USP43: variants seen among roughly 807,000 people sequenced by gnomAD.
The protein encoded by USP43 is ubiquitin specific peptidase 43.
In USP43, 33 loss-of-function variants were observed where a neutral mutation model predicts 90.7. The observed-to-expected ratio is 0.36, with a 90% CI of 0.28 to 0.49. The LOEUF is 0.49. USP43 is among the 20% of genes least tolerant of loss of function. USP43 has a pLI of 0.98. For synonymous variants in USP43, 598 were observed against 615.8 expected (o/e 0.97, Z 0.43); for missense variants, 1,274 against 1,476.4 (o/e 0.86, Z 2.25).
intron 7 of USP43, among the ~76,000 whole-genome samples, chr17:9,683,725 A>G (rs1877374290): frequency 6.6e-6 from 1 of 152,196 alleles, no homozygotes; most frequent in South Asian, 2.1e-4. Flanking sequence ...GGTATATTTC[A>G]TATTACTACA....
chr17:9,710,184 T>C, intron 13 of USP43, 70 bp downstream of exon 13: 2 of 1,352,084 alleles, frequency 1.5e-6, no homozygotes, highest in South Asian at 4.6e-5. Context: ...AGAGGCTCAG[T>C]TGAACATCGA....
Position 9,686,794 on chromosome 17 carries a change from T to C in USP43, c.1242-4T>C. The C allele has an allele frequency of 6.2e-7, 1 of 1,613,794 alleles. No homozygotes were observed. The highest frequency in any genetic ancestry group is 1.7e-5 in the Admixed American group (1 of 60,004). ...GGGATAACCCGATTTCCTTGGATTT[T>C]CAGGTTTGGGCCACCCTTCCTGATA... is the stretch of plus-strand genomic sequence containing the variant. On this transcript the variant is annotated splice_polypyrimidine_tract_variant and splice_region_variant and intron_variant, in intron 7 of 14. Transcript: ENST00000285199. The surrounding 1 kb of genome is among the most constrained non-coding windows in gnomAD (Gnocchi z 5.5).
At chr17:9,712,153 T>C (rs1215516682) in intron 14 of USP43, 21 bp downstream of exon 14, 1 of 1,533,150 alleles carries the variant, frequency 6.5e-7, no homozygotes, top group East Asian at 2.4e-5. Context: ...TAAATGTGCT[T>C]GGTTGATTTT....
chr17:9,725,490 G>A (rs991992568), intron 14 of USP43, among the ~76,000 whole-genome samples: 5 of 152,174 alleles, frequency 3.3e-5, no homozygotes, highest in South Asian at 2.1e-4. Context: ...GAAGTGTGAT[G>A]TGAGCGTGGG....
At chr17:9,653,626 A>G (rs1391961258) in intron 1 of USP43, among the ~76,000 whole-genome samples, 2 of 151,812 alleles carry the variant, frequency 1.3e-5, no homozygotes, top group African/African-American at 4.8e-5. Flanking sequence ...TCTAGACTGT[A>G]GAAGTAGGAA....
Position 9,728,340 on chromosome 17 carries a change from G to T in USP43, c.2722G>T (p.Gly908Cys), listed in dbSNP as rs781092429. 6.2e-7 allele frequency: 1 copy of T among 1,612,046 alleles called. No individual in the cohort carries two copies. ...NHCLAPGNSD[G>C]PNTARKLKEN... ...CTGTCTGGCCCCTGGAAACTCAGAT[G>T]GTCCAAACACAGCAAGGAAACTCAA... The change falls in exon 15 of 15, where the codon GGT becomes TGT. Residue 908 changes from glycine (G) to cysteine (C), a missense_variant. Gly to Cys is a radical substitution (Grantham distance 159). This residue lies in a region of USP43 where 353 missense variants were observed against 329.7 expected (regional missense o/e 1.07). Transcript: ENST00000285199. This position sits in a 1 kb window ranked among gnomAD's most constrained non-coding sequence, Gnocchi z 6.2.
intron 4 of USP43, among the ~76,000 whole-genome samples, chr17:9,675,366 G>T (rs969302639): frequency 1.3e-5 from 2 of 152,050 alleles, no homozygotes; most frequent in African/African-American, 4.8e-5. Context: ...CTTTGAGAAG[G>T]TGCAGGAAAA....
intron 14 of USP43, among the ~76,000 whole-genome samples, chr17:9,716,273 T>G (rs1038341206): frequency 2.0e-5 from 3 of 152,154 alleles, no homozygotes; most frequent in Non-Finnish European, 2.9e-5. Flanking sequence ...ATTAGTATAC[T>G]TTACATATTG....
intron 5 of USP43, among the ~76,000 whole-genome samples, chr17:9,677,824 T>G (rs1233409421): frequency 2.0e-5 from 3 of 152,194 alleles, no homozygotes; most frequent in Non-Finnish European, 4.4e-5. Flanking sequence ...ATCTGAAGAT[T>G]GTGGTTTGCT....
intron 9 of USP43, among the ~76,000 whole-genome samples, chr17:9,695,813 C>G (rs999380131): frequency 6.6e-6 from 1 of 152,210 alleles, no homozygotes; most frequent in Non-Finnish European, 1.5e-5. Context: ...ACCACCACTC[C>G]ACTGTCTGTC....
chr17:9,677,781 G>A (rs764375389), intron 5 of USP43, among the ~76,000 whole-genome samples: 10 of 152,110 alleles, frequency 6.6e-5, no homozygotes, highest in Non-Finnish European at 1.3e-4. Context: ...ACCTTGTTGG[G>A]AAGGCATGCC....
chr17:9,709,837 T>G lies in USP43; in HGVS notation c.2012-119T>G, dbSNP rs116388022. On this transcript the variant is annotated intron_variant, in intron 12 of 14. Transcript: ENST00000285199. This position sits in a 1 kb window ranked among gnomAD's most constrained non-coding sequence, Gnocchi z 5.0. The stretch of plus-strand genomic sequence containing the variant: ...AAAAAAATTCATTTCTGGCCAAAAA[T>G]GGACTGTTTTTTTCTCATTCTGGTT... The G allele has an allele frequency of 8.9e-7, 1 of 1,123,320 alleles. No homozygotes were observed. The highest frequency in any genetic ancestry group is 1.6e-5 in the African/African-American group (1 of 62,080). 69.6% of individuals were successfully genotyped at this position (1,123,320 alleles called of 1,614,324 possible).
Position 9,721,970 on chromosome 17 carries a change from A to C in USP43, c.2336-5984A>C, listed in dbSNP as rs567851496. Among the ~76,000 whole-genome samples the C allele has an allele frequency of 4.6e-5, 7 of 151,344 alleles. No homozygotes were observed. The East Asian group carries it at 7.8e-4, about 17-fold the overall frequency. On this transcript the variant is annotated intron_variant, in intron 14 of 14. Coordinates refer to ENST00000285199, the MANE Select transcript of USP43 (RefSeq NM_153210.5). ...TGGCCAAGCTGGTCTCAAACTCCTC[A>C]GGTGATCCACCTGCCTCAGCCTCCC...
chr17:9,674,192 A>G lies in USP43; in HGVS notation c.741-699A>G, dbSNP rs1208133381. Among the ~76,000 whole-genome samples the G allele has an allele frequency of 6.6e-6, 1 of 151,972 alleles. No homozygotes were observed. The highest frequency in any genetic ancestry group is 1.5e-5 in the Non-Finnish European group (1 of 68,002). ...AGTTGGCATGCTGGGTTTGTATGGCAGGGGCGGGTTATAGCTTCCCTTCCC... is the reference window on the plus strand; with the variant it reads ...AGTTGGCATGCTGGGTTTGTATGGCGGGGGCGGGTTATAGCTTCCCTTCCC... On this transcript the variant is annotated intron_variant, in intron 3 of 14. Coordinates refer to ENST00000285199, the MANE Select transcript of USP43 (RefSeq NM_153210.5). The surrounding 1 kb of genome is among the most constrained non-coding windows in gnomAD (Gnocchi z 4.4).
intron 1 of USP43, among the ~76,000 whole-genome samples, chr17:9,655,428 G>A (rs1036233340): frequency 3.3e-5 from 5 of 152,206 alleles, no homozygotes; most frequent in African/African-American, 9.7e-5. Context: ...CGGGATGAAG[G>A]CCAGGTAGAA....
chr17:9,649,423 A>G (rs906295825), intron 1 of USP43, among the ~76,000 whole-genome samples: 18 of 152,018 alleles, frequency 1.2e-4, no homozygotes, highest in African/African-American at 4.1e-4. Flanking sequence ...CAGGTTTGTT[A>G]TAAGGGTGTA....
At chr17:9,671,225 G>A (rs1597832072) in intron 3 of USP43, among the ~76,000 whole-genome samples, 1 of 152,158 alleles carries the variant, frequency 6.6e-6, no homozygotes, top group South Asian at 2.1e-4. Flanking sequence ...AAAAATGTCT[G>A]CAAGTCTAAC....
chr17:9,679,056 T>C, intron 5 of USP43, among the ~76,000 whole-genome samples: 1 of 152,312 alleles, frequency 6.6e-6, no homozygotes, highest in Admixed American at 6.5e-5. Flanking sequence ...ACTGTAATAG[T>C]AATAATAGTT....
chr17:9,717,360 A>AGTGTGTGTGT lies in USP43; in HGVS notation c.2335+5251_2335+5260dup, dbSNP rs56058514. Among the ~76,000 whole-genome samples, 738 of 145,654 alleles carry AGTGTGTGTGT rather than the reference A, an allele frequency of 5.1e-3. 8 individuals are homozygous for AGTGTGTGTGT. The highest frequency in any genetic ancestry group is 0.018 in the African/African-American group (706 of 39,586). ...CTTAGGAGTGGAATTGCTTGGGCAC[A>AGTGTGTGTGT]GTGTGTGTGTGTGTGTGTGTGTGTG... On this transcript the variant is annotated intron_variant, in intron 14 of 14. Transcript: ENST00000285199.
Sources: gnomAD v4.1 joint callset for allele counts (sites outside exome capture counted in the v4.1 genomes callset) on GRCh38, gnomAD v4.1.1 for gene constraint, gnomAD v4.1.1 regional missense constraint, Gnocchi (gnomAD v3.1) non-coding constraint, MANE v1.5 for transcripts, NCBI Gene and HGNC (gene_info 2026-07-23, HGNC 2026-07-21) for gene names.